Variants in RBFOX1 observed in about 807,000 individuals in gnomAD.
The protein encoded by RBFOX1 is RNA binding protein fox-1 homolog 1.
In RBFOX1, 8 loss-of-function variants were observed where a neutral mutation model predicts 57.7. The ratio of observed to expected loss-of-function variants is 0.14; its 90% CI spans 0.08 to 0.25. RBFOX1 has a LOEUF of 0.25. Ranked by LOEUF, RBFOX1 falls within the 10% of genes least tolerant of loss-of-function variation. The pLI, the probability that RBFOX1 is intolerant of heterozygous loss-of-function variation, is 1.00. For synonymous variants in RBFOX1, 326 were observed against 222.4 expected, an observed-to-expected ratio of 1.47 and a Z score of -4.15; for missense variants, 611 against 548.5, an observed-to-expected ratio of 1.11 and a Z score of -1.14.
chr16:5,849,420 ATGCATT>A (rs2056836708), intron 3 of RBFOX1, among the ~76,000 whole-genome samples: 1 of 152,020 alleles, frequency 6.6e-6, no homozygotes, highest in African/African-American at 2.4e-5. Context: ...TGGGGCACTG[ATGCATT>A]TGCTACAATC....
intron 3 of RBFOX1, among the ~76,000 whole-genome samples, chr16:6,859,715 G>A (rs1035360741): frequency 2.0e-5 from 3 of 152,156 alleles, no homozygotes; most frequent in African/African-American, 7.2e-5. Flanking sequence ...TCAGCAAAAT[G>A]AGAAATGTCT....
chr16:7,372,338 C>T (rs1308826818), intron 4 of RBFOX1, among the ~76,000 whole-genome samples: 1 of 152,174 alleles, frequency 6.6e-6, no homozygotes, highest in African/African-American at 2.4e-5. Flanking sequence ...GTTCACCCTG[C>T]TTAGGATCAG....
chr16:6,271,145 C>T (rs189320562), intron 1 of RBFOX1, among the ~76,000 whole-genome samples: 51 of 152,160 alleles, frequency 3.4e-4, no homozygotes, highest in Admixed American at 3.2e-3. Context: ...AAAAAGAGGC[C>T]GGGTGTGGTG....
chr16:7,338,071 C>T (rs371461378), intron 4 of RBFOX1, among the ~76,000 whole-genome samples: 1 of 152,120 alleles, frequency 6.6e-6, no homozygotes, highest in African/African-American at 2.4e-5. Context: ...TTGTAAGTTC[C>T]AGGGTACATG....
At chr16:6,035,481 A>T (rs1432458821) in intron 1 of RBFOX1, among the ~76,000 whole-genome samples, 1 of 152,196 alleles carries the variant, frequency 6.6e-6, no homozygotes, top group African/African-American at 2.4e-5. Context: ...TGTAGTTTAG[A>T]AACGTCCTTG....
intron 2 of RBFOX1, among the ~76,000 whole-genome samples, chr16:6,485,519 G>C (rs144399380): frequency 6.2e-4 from 94 of 151,036 alleles, no homozygotes; most frequent in Non-Finnish European, 1.1e-3. Flanking sequence ...TTGCACGCTG[G>C]AGGATCACCA....
intron 3 of RBFOX1, among the ~76,000 whole-genome samples, chr16:6,713,386 C>G (rs2064112846): frequency 6.6e-6 from 1 of 152,126 alleles, no homozygotes; most frequent in Non-Finnish European, 1.5e-5. Context: ...TCACCAAATT[C>G]TGTTTAAGCT....
chr16:7,376,515 G>T (rs924687359), intron 4 of RBFOX1, among the ~76,000 whole-genome samples: 1 of 152,156 alleles, frequency 6.6e-6, no homozygotes, highest in Non-Finnish European at 1.5e-5. Flanking sequence ...CCACAGCTCT[G>T]TGTCTGTGAT....
chr16:5,755,655 A>G (rs999847084), intron 3 of RBFOX1, among the ~76,000 whole-genome samples: 3 of 152,140 alleles, frequency 2.0e-5, no homozygotes, highest in South Asian at 2.1e-4. Flanking sequence ...CTAGAGTACA[A>G]AGGTGCAATT....
At chr16:6,316,750 G>C (rs1382176906) in intron 1 of RBFOX1, among the ~76,000 whole-genome samples, 1 of 152,100 alleles carries the variant, frequency 6.6e-6, no homozygotes, top group African/African-American at 2.4e-5. Flanking sequence ...CTGGGCCTCA[G>C]TTTCCTCTTC....
intron 1 of RBFOX1, among the ~76,000 whole-genome samples, chr16:6,254,683 A>G (rs1261616808): frequency 6.6e-6 from 1 of 152,226 alleles, no homozygotes; most frequent in African/African-American, 2.4e-5. Context: ...GCAATACAAA[A>G]TGTTAAAACT....
chr16:7,665,016 A>ATTCTT (rs1463745168), intron 13 of RBFOX1, 48 bp downstream of exon 13: 1 of 1,613,762 alleles, frequency 6.2e-7, no homozygotes, highest in African/African-American at 1.3e-5. Context: ...TCCTGGAGTC[A>ATTCTT]TTCTTTTTAC....
intron 4 of RBFOX1, among the ~76,000 whole-genome samples, chr16:7,492,596 C>G (rs1198045999): frequency 6.6e-6 from 1 of 152,176 alleles, no homozygotes; most frequent in Non-Finnish European, 1.5e-5. Context: ...CCATCTAAAT[C>G]TCATGTCAAA....
At chr16:6,809,941 C>T (rs998256168) in intron 3 of RBFOX1, among the ~76,000 whole-genome samples, 10 of 151,818 alleles carry the variant, frequency 6.6e-5, no homozygotes, top group Non-Finnish European at 1.2e-4. Context: ...AGCCTACCCG[C>T]TTGTCCTGAG....
chr16:7,189,910 C>T (rs191224754), intron 4 of RBFOX1, among the ~76,000 whole-genome samples: 1 of 152,236 alleles, frequency 6.6e-6, no homozygotes, highest in Non-Finnish European at 1.5e-5. Flanking sequence ...ACAGATCATT[C>T]TCCTAATTGA....
chr16:7,669,150 T>C (rs1202655743), intron 13 of RBFOX1, among the ~76,000 whole-genome samples: 2 of 152,160 alleles, frequency 1.3e-5, no homozygotes, highest in Non-Finnish European at 2.9e-5. Context: ...GAGATCCACC[T>C]GCCTTGGCCT....
At chr16:6,948,709 C>T (rs1363050795) in intron 3 of RBFOX1, among the ~76,000 whole-genome samples, 1 of 152,108 alleles carries the variant, frequency 6.6e-6, no homozygotes. Flanking sequence ...GAAACTCCCT[C>T]CTCCATCATT....
At chr16:5,978,862 C>T (rs755933152) in intron 4 of RBFOX1, among the ~76,000 whole-genome samples, 6 of 152,142 alleles carry the variant, frequency 3.9e-5, no homozygotes, top group Non-Finnish European at 7.4e-5. Flanking sequence ...GAGAGCTACA[C>T]CCCCAATACT....
chr16:6,647,776 C>G (rs1020390984), intron 2 of RBFOX1, among the ~76,000 whole-genome samples: 2 of 152,086 alleles, frequency 1.3e-5, no homozygotes, highest in African/African-American at 4.8e-5. Flanking sequence ...TGCTCTGTCA[C>G]TAGGTTGGAA....
Sources: gnomAD v4.1 joint callset for allele counts (sites outside exome capture counted in the v4.1 genomes callset) on GRCh38, gnomAD v4.1.1 for gene constraint, MANE v1.5 for transcripts, NCBI Gene and HGNC (gene_info 2026-07-23, HGNC 2026-07-21) for gene names.